Variants in NCALD observed in about 807,000 individuals in gnomAD.
NCALD encodes the protein neurocalcin delta.
NCALD carries 10 observed loss-of-function variants against 18.6 expected under a neutral mutation model. That is an observed-to-expected ratio of 0.54 (90% CI 0.33 to 0.91). The LOEUF (loss-of-function observed/expected upper bound fraction) is 0.91, where lower values mean the gene tolerates loss of function less well. Ranked by LOEUF, NCALD falls within the 40% of genes least tolerant of loss-of-function variation. The pLI is 0.03. For missense variants in NCALD, 184 were observed against 247.6 expected, an observed-to-expected ratio of 0.74 and a Z score of 1.72; for synonymous variants, 88 against 87.4, an observed-to-expected ratio of 1.01 and a Z score of -0.04.
At chr8:102,054,724 TATAG>T (rs57636969) in intron 1 of NCALD, among the ~76,000 whole-genome samples, 165 of 149,916 alleles carry the variant, frequency 1.1e-3, no homozygotes, top group Non-Finnish European at 1.5e-3. Context: ...ATAGATATCC[TATAG>T]ATAGATAGAT....
Position 101,796,959 on chromosome 8 carries a change from A to G in NCALD, c.-19-77311T>C, listed in dbSNP as rs183235625. Among the ~76,000 whole-genome samples, 331 of 152,362 alleles carry G rather than the reference A, an allele frequency of 2.2e-3. 2 individuals are homozygous for G. Among genetic ancestry groups the G allele is most frequent in the African/African-American group, 7.6e-3 (315 of 41,586 alleles). ...CTTCGGAAAGGCTTATCAAAAACCC[A>G]AAAGAATGCAACCATTTGTCTCTCT... On this transcript the variant is annotated intron_variant, in intron 4 of 6. Coordinates refer to the NCALD transcript ENST00000311028.
intron 1 of NCALD, among the ~76,000 whole-genome samples, chr8:102,059,460 G>A (rs1009557826): frequency 2.0e-5 from 3 of 152,198 alleles, no homozygotes; most frequent in Non-Finnish European, 2.9e-5. Context: ...ATATTTGAAC[G>A]AACAAATGGA....
intron 3 of NCALD, among the ~76,000 whole-genome samples, chr8:101,895,991 C>T (rs1393446612): frequency 6.6e-6 from 1 of 151,170 alleles, no homozygotes; most frequent in African/African-American, 2.5e-5. Context: ...CAATGACTTT[C>T]TTCACAGAAT....
intron 3 of NCALD, among the ~76,000 whole-genome samples, chr8:101,902,246 C>T (rs1453582115): frequency 6.7e-6 from 1 of 150,160 alleles, no homozygotes; most frequent in Non-Finnish European, 1.5e-5. Context: ...CTGTCCACTC[C>T]ATTCTCATGT....
At chr8:102,078,127 T>C (rs1824407290) in intron 1 of NCALD, among the ~76,000 whole-genome samples, 1 of 152,186 alleles carries the variant, frequency 6.6e-6, no homozygotes, top group South Asian at 2.1e-4. Flanking sequence ...TGTCTACAAA[T>C]GGCCACCCCA....
chr8:102,088,167 C>G (rs1473552585), intron 1 of NCALD, among the ~76,000 whole-genome samples: 1 of 152,198 alleles, frequency 6.6e-6, no homozygotes, highest in Non-Finnish European at 1.5e-5. Flanking sequence ...CAGTCATGTC[C>G]TTGGGAGCTT....
At chr8:101,888,322 T>A (rs1293385713) in intron 3 of NCALD, among the ~76,000 whole-genome samples, 1 of 152,224 alleles carries the variant, frequency 6.6e-6, no homozygotes. Context: ...GATCTGCAGA[T>A]GTCCAAAAGA....
At chr8:101,849,392 T>C (rs1815001569) in intron 4 of NCALD, among the ~76,000 whole-genome samples, 1 of 152,216 alleles carries the variant, frequency 6.6e-6, no homozygotes, top group Admixed American at 6.5e-5. Context: ...ATTTGGTATC[T>C]GATTTAAAAA....
intron 2 of NCALD, among the ~76,000 whole-genome samples, chr8:101,946,458 T>C (rs574238466): frequency 2.7e-4 from 41 of 152,254 alleles, no homozygotes; most frequent in African/African-American, 8.7e-4. Flanking sequence ...GCATATTATT[T>C]TAAAAACTAT....
At chr8:102,062,384 T>G (rs1823876352) in intron 1 of NCALD, among the ~76,000 whole-genome samples, 1 of 152,190 alleles carries the variant, frequency 6.6e-6, no homozygotes, top group African/African-American at 2.4e-5. Context: ...AGATAAATAG[T>G]CAAGCAAAAA....
At chr8:101,874,999 G>A (rs1586673073) in intron 4 of NCALD, among the ~76,000 whole-genome samples, 1 of 152,124 alleles carries the variant, frequency 6.6e-6, no homozygotes, top group African/African-American at 2.4e-5. Flanking sequence ...TGTTACCTAT[G>A]TTAATATTTT....
At chr8:102,010,126 C>T (rs773892769) in intron 2 of NCALD, among the ~76,000 whole-genome samples, 1 of 152,248 alleles carries the variant, frequency 6.6e-6, no homozygotes, top group Non-Finnish European at 1.5e-5. Context: ...ACCAACTGTT[C>T]TGAGAAATAG....
intron 2 of NCALD, among the ~76,000 whole-genome samples, chr8:101,966,383 CA>C (rs537688399): frequency 8.8e-4 from 130 of 148,488 alleles, no homozygotes; most frequent in Middle Eastern, 3.4e-3. Context: ...TCGCAGGGAC[CA>C]AAAAACCAAA....
At chr8:102,082,446 A>G (rs1297490173) in intron 1 of NCALD, among the ~76,000 whole-genome samples, 1 of 151,816 alleles carries the variant, frequency 6.6e-6, no homozygotes, top group Non-Finnish European at 1.5e-5. Context: ...AGAAATTGAT[A>G]CAAATGAAAG....
chr8:101,733,813 G>A (rs1816951964), intron 1 of NCALD, among the ~76,000 whole-genome samples: 1 of 152,192 alleles, frequency 6.6e-6, no homozygotes, highest in Admixed American at 6.5e-5. Flanking sequence ...CACCCAGAGT[G>A]GACTGCCAGA....
At chr8:101,724,180 T>C (rs1289748544) in intron 1 of NCALD, among the ~76,000 whole-genome samples, 1 of 152,026 alleles carries the variant, frequency 6.6e-6, no homozygotes, top group Non-Finnish European at 1.5e-5. Flanking sequence ...AATGCTAAAA[T>C]TTTTTCTAAT....
In NCALD at chr8:101,964,032, T is replaced by C. The variant is rs182840353; in HGVS notation, c.-156-48174A>G. On this transcript the variant is annotated intron_variant, in intron 2 of 6. Coordinates refer to the NCALD transcript ENST00000311028. ...AAATTATTTGTAATGAGCTAAAATA[T>C]GCCTTTCTTTAATTTCCAGTCACTA... Among the ~76,000 whole-genome samples the C allele has an allele frequency of 8.3e-4, 126 of 152,320 alleles. 1 individual carries two copies. Among genetic ancestry groups the C allele is most frequent in the Admixed American group, 2.6e-3 (39 of 15,278 alleles).
At chr8:101,771,055 C>A (rs565428528) in intron 1 of NCALD, among the ~76,000 whole-genome samples, 1 of 152,304 alleles carries the variant, frequency 6.6e-6, no homozygotes, top group Admixed American at 6.5e-5. Context: ...CAATTCCCCA[C>A]CCCTATATCA....
intron 3 of NCALD, among the ~76,000 whole-genome samples, chr8:101,909,124 C>T (rs908025528): frequency 5.3e-5 from 8 of 152,178 alleles, no homozygotes; most frequent in African/African-American, 1.7e-4. Context: ...CTGCTTTCTT[C>T]AGCCTTTTAC....
Sources: allele counts gnomAD v4.1 joint callset (sites outside exome capture counted in the v4.1 genomes callset), GRCh38; gene constraint gnomAD v4.1.1; transcripts MANE v1.5; gene names NCBI Gene and HGNC (gene_info 2026-07-23, HGNC 2026-07-21).